ADGRB3: variants seen among roughly 807,000 people sequenced by gnomAD.
ADGRB3 encodes the protein brain-specific angiogenesis inhibitor 3.
In ADGRB3, 37 loss-of-function variants were observed where a neutral mutation model predicts 193.4. The observed-to-expected ratio is 0.19, with a 90% CI of 0.15 to 0.25. ADGRB3 has a LOEUF of 0.25. Ranked by LOEUF, ADGRB3 falls within the 10% of genes least tolerant of loss-of-function variation. The pLI is 1.00. For missense variants in ADGRB3, 1,637 were observed against 1,852.9 expected (o/e 0.88, Z 2.14); for synonymous variants, 690 against 644.2 (o/e 1.07, Z -1.08).
Position 69,161,677 on chromosome 6 carries a change from T to C in ADGRB3, c.2481-71613T>C, listed in dbSNP as rs2150344747. ...GAATCCAGCTGCAAATTGCAATCAA[T>C]GTGTCAGCTAGGGATATGGTCTCAT... On this transcript the variant is annotated intron_variant, in intron 17 of 31. Transcript: ENST00000370598. Among the ~76,000 whole-genome samples the C allele has an allele frequency of 2.0e-5, 3 of 152,246 alleles. No individual in the cohort carries two copies. The South Asian group carries it at 6.2e-4, about 32-fold the overall frequency.
At chr6:69,027,801 C>T (rs139979669) in intron 13 of ADGRB3, among the ~76,000 whole-genome samples, 46 of 152,106 alleles carry the variant, frequency 3.0e-4, no homozygotes, top group African/African-American at 9.2e-4. Flanking sequence ...AAGAGCTTAC[C>T]AGTAGGTAGA....
intron 20 of ADGRB3, among the ~76,000 whole-genome samples, chr6:69,274,059 C>G (rs532259998): frequency 1.3e-5 from 2 of 152,146 alleles, no homozygotes; most frequent in East Asian, 1.9e-4. Flanking sequence ...CATCCAAGAT[C>G]AACAAATCTC....
intron 20 of ADGRB3, among the ~76,000 whole-genome samples, chr6:69,296,027 A>G (rs1767807643): frequency 6.6e-6 from 1 of 152,146 alleles, no homozygotes; most frequent in South Asian, 2.1e-4. Flanking sequence ...GCATATGAAG[A>G]GTGGTTTATA....
At chr6:69,293,816 G>C (rs1306376763) in intron 20 of ADGRB3, among the ~76,000 whole-genome samples, 1 of 152,094 alleles carries the variant, frequency 6.6e-6, no homozygotes, top group Non-Finnish European at 1.5e-5. Context: ...CTGGAGCACA[G>C]TCTGGAAGGG....
rs58674524 is a variant in ADGRB3 at position 68,760,642 on chromosome 6, G to A, written c.757+121210G>A. 1.3e-3 allele frequency among the ~76,000 whole-genome samples: 204 copies of A among 152,308 alleles called. 2 individuals are homozygous for A. The highest frequency in any genetic ancestry group is 4.5e-3 in the African/African-American group (187 of 41,566). On this transcript the variant is annotated intron_variant, in intron 3 of 31. Coordinates refer to ENST00000370598, the MANE Select transcript of ADGRB3 (RefSeq NM_001704.3). The stretch of plus-strand genomic sequence containing the variant: ...TGTCTACACAATTCTATTAAATGGT[G>A]GTTCCTGGCAAAGAATCTGTGAAGT...
chr6:69,122,999 AGTGTGTGTGT>A (rs70987452), intron 17 of ADGRB3, among the ~76,000 whole-genome samples: 1 of 149,322 alleles, frequency 6.7e-6, no homozygotes, highest in African/African-American at 2.5e-5. Flanking sequence ...CATACGTGTG[AGTGTGTGTGT>A]GTGTGTGTGT....
chr6:69,024,711 A>G (rs938011392), intron 13 of ADGRB3, among the ~76,000 whole-genome samples: 6 of 152,242 alleles, frequency 3.9e-5, no homozygotes, highest in East Asian at 1.9e-4. Flanking sequence ...CAGTAATCCA[A>G]TAAGGCTAGT....
intron 17 of ADGRB3, among the ~76,000 whole-genome samples, chr6:69,085,968 A>G (rs1772536836): frequency 6.6e-6 from 1 of 151,978 alleles, no homozygotes; most frequent in Admixed American, 6.6e-5. Flanking sequence ...ATAAAAATGC[A>G]TGTATCAATA....
At chr6:68,805,845 G>A (rs959071685) in intron 3 of ADGRB3, among the ~76,000 whole-genome samples, 1 of 151,954 alleles carries the variant, frequency 6.6e-6, no homozygotes, top group African/African-American at 2.4e-5. Flanking sequence ...GGATTATAAG[G>A]GTGTTTGCAA....
chr6:69,189,824 C>G (rs1765148315), intron 17 of ADGRB3, among the ~76,000 whole-genome samples: 1 of 152,090 alleles, frequency 6.6e-6, no homozygotes, highest in African/African-American at 2.4e-5. Context: ...CAGAATGTAA[C>G]CGTAGTAATG....
intron 30 of ADGRB3, among the ~76,000 whole-genome samples, chr6:69,373,502 T>C (rs1769748913): frequency 6.6e-6 from 1 of 152,120 alleles, no homozygotes; most frequent in East Asian, 1.9e-4. Context: ...ATCTTTTATC[T>C]ACGATTAAAT....
intron 17 of ADGRB3, among the ~76,000 whole-genome samples, chr6:69,198,532 A>T (rs1305812673): frequency 6.6e-6 from 1 of 152,090 alleles, no homozygotes; most frequent in African/African-American, 2.4e-5. Context: ...AGATACCTGA[A>T]TAAAGGGAGT....
At chr6:69,039,670 C>T (rs1770971286) in intron 13 of ADGRB3, among the ~76,000 whole-genome samples, 2 of 151,268 alleles carry the variant, frequency 1.3e-5, no homozygotes, top group African/African-American at 4.9e-5. Context: ...AAACTATGTG[C>T]ATATTCAGAA....
chr6:68,779,650 A>G (rs1415127473), intron 3 of ADGRB3, among the ~76,000 whole-genome samples: 2 of 152,078 alleles, frequency 1.3e-5, no homozygotes, highest in African/African-American at 4.8e-5. Flanking sequence ...CACTGTGCCA[A>G]ATTAATCTAG....
chr6:68,860,132 G>A (rs1015977232), intron 3 of ADGRB3, among the ~76,000 whole-genome samples: 3 of 152,018 alleles, frequency 2.0e-5, no homozygotes, highest in Non-Finnish European at 4.4e-5. Context: ...ATCTGCTTCT[G>A]TATTCAGTAT....
intron 29 of ADGRB3, among the ~76,000 whole-genome samples, chr6:69,368,016 G>A: frequency 8.8e-6 from 1 of 113,414 alleles, no homozygotes; most frequent in Non-Finnish European, 1.7e-5. Context: ...GAGGGGGGAG[G>A]GACAGCATTG....
intron 17 of ADGRB3, among the ~76,000 whole-genome samples, chr6:69,127,676 CT>C (rs1163642597): frequency 6.6e-6 from 1 of 152,076 alleles, no homozygotes; most frequent in Admixed American, 6.6e-5. Context: ...CCCTCCTTGC[CT>C]TTTTTGCACC....
intron 3 of ADGRB3, among the ~76,000 whole-genome samples, chr6:68,788,562 G>A (rs1340612300): frequency 2.0e-5 from 3 of 152,310 alleles, no homozygotes; most frequent in South Asian, 2.1e-4. Flanking sequence ...CCTGAGGAGT[G>A]CTTTACTCCA....
chr6:69,352,415 G>A (rs918650978), intron 26 of ADGRB3, among the ~76,000 whole-genome samples: 1 of 152,130 alleles, frequency 6.6e-6, no homozygotes, highest in African/African-American at 2.4e-5. Flanking sequence ...GTTTGAAAAA[G>A]GAAATAAGAA....
Sources: gnomAD v4.1 joint callset for allele counts (sites outside exome capture counted in the v4.1 genomes callset) on GRCh38, gnomAD v4.1.1 for gene constraint, MANE v1.5 for transcripts, NCBI Gene and HGNC (gene_info 2026-07-23, HGNC 2026-07-21) for gene names.